Variants in SH3BP4 observed in about 807,000 individuals in gnomAD.
The protein encoded by SH3BP4 is SH3 domain-binding protein 4.
Under a neutral mutation model 65.5 loss-of-function variants are expected in SH3BP4, and 33 were observed. That is an observed-to-expected ratio of 0.50 (90% confidence interval 0.38 to 0.67). The LOEUF (loss-of-function observed/expected upper bound fraction) is 0.67, where lower values mean the gene tolerates loss of function less well. Ranked by LOEUF, SH3BP4 falls within the 30% of genes least tolerant of loss-of-function variation. The pLI is 0.00. For missense variants in SH3BP4, 1,134 were observed against 1,261.4 expected, an observed-to-expected ratio of 0.90 and a Z score of 1.53; for synonymous variants, 552 against 545.5, an observed-to-expected ratio of 1.01 and a Z score of -0.17.
chr2:234,990,781 G>A (rs142983893), intron 1 of SH3BP4, among the ~76,000 whole-genome samples: 14 of 152,352 alleles, frequency 9.2e-5, no homozygotes, highest in African/African-American at 3.4e-4. Context: ...TGTCTTACAG[G>A]TCAGGAGGCT....
intron 2 of SH3BP4, among the ~76,000 whole-genome samples, chr2:235,023,162 G>T (rs1393988760): frequency 2.0e-5 from 3 of 152,232 alleles, no homozygotes; most frequent in Non-Finnish European, 4.4e-5. Flanking sequence ...TCCAGAATCA[G>T]CTCAGCTGGC....
intron 3 of SH3BP4, among the ~76,000 whole-genome samples, chr2:235,040,103 C>T (rs1019909858): frequency 1.3e-5 from 2 of 152,100 alleles, no homozygotes; most frequent in Non-Finnish European, 2.9e-5. Context: ...GGCATGGTGG[C>T]ACACACCTGT....
At position 235,033,857 on chromosome 2, in the gene SH3BP4, C is replaced by T. The variant is rs944070276; in HGVS notation, c.-132-1014C>T. Among the ~76,000 whole-genome samples the T allele has an allele frequency of 6.6e-6, 1 of 152,118 alleles. No homozygotes were observed. The highest frequency in any genetic ancestry group is 1.5e-5 in the Non-Finnish European group (1 of 68,026). ...GCATGGTAAAGGCAGCACACTGGGT[C>T]AGAAGCTACATTCTCAGCTGTCCCT... On this transcript the variant is annotated intron_variant, in intron 2 of 5. Transcript: ENST00000392011. This position sits in a 1 kb window ranked among gnomAD's most constrained non-coding sequence, Gnocchi z 5.7.
chr2:234,962,799 G>T (rs1266136259), intron 1 of SH3BP4, among the ~76,000 whole-genome samples: 1 of 150,786 alleles, frequency 6.6e-6, no homozygotes, highest in African/African-American at 2.4e-5. Context: ...AATCTCAGTT[G>T]ACTGCAACCT....
At chr2:235,004,582 A>G (rs6725062) in intron 2 of SH3BP4, among the ~76,000 whole-genome samples, 37,617 of 151,970 alleles carry the variant, frequency 0.25, 6,462 homozygotes, top group East Asian at 0.72. Flanking sequence ...ATGGATTCCT[A>G]TGGATTTGTG....
intron 1 of SH3BP4, among the ~76,000 whole-genome samples, chr2:234,971,367 T>A (rs533554650): frequency 1.1e-4 from 17 of 152,336 alleles, no homozygotes; most frequent in Admixed American, 8.5e-4. Flanking sequence ...TATATGTATA[T>A]GTTATATTTT....
chr2:234,999,318 G>T (rs543062616), intron 2 of SH3BP4, among the ~76,000 whole-genome samples: 1 of 152,328 alleles, frequency 6.6e-6, no homozygotes, highest in East Asian at 1.9e-4. Flanking sequence ...GGGGACAAAA[G>T]ACATCAGTCA....
Position 235,041,441 on chromosome 2 carries a change from C to T in SH3BP4, c.672C>T (p.Asn224=), listed in dbSNP as rs1189062417. ...TCTTCGATGAGCTTCCAGTCACAAA[C>T]GGACTCCACGCAGAGCCGCCGGTCA... is the stretch of plus-strand genomic sequence containing the variant. ...GNIFDELPVT[N]GLHAEPPVRR... Residue 224 remains asparagine, a synonymous_variant, in exon 4 of 6, where the codon AAC becomes AAT. Transcript: ENST00000392011. This position sits in a 1 kb window ranked among gnomAD's most constrained non-coding sequence, Gnocchi z 6.0. 9.9e-6 allele frequency: 16 copies of T among 1,614,068 alleles called. No individual in the cohort carries two copies. Among genetic ancestry groups the T allele is most frequent in the African/African-American group, 4.0e-5 (3 of 74,940 alleles).
intron 2 of SH3BP4, among the ~76,000 whole-genome samples, chr2:235,029,233 G>A (rs1269144300): frequency 2.0e-5 from 3 of 152,186 alleles, no homozygotes; most frequent in Non-Finnish European, 4.4e-5. Flanking sequence ...CAGGGAAGAC[G>A]GAGAGGGATG....
intron 1 of SH3BP4, among the ~76,000 whole-genome samples, chr2:234,969,884 CT>C (rs1455925720): frequency 6.6e-6 from 1 of 151,706 alleles, no homozygotes; most frequent in Non-Finnish European, 1.5e-5. Context: ...CACACTCTCG[CT>C]GTCTCTCACA....
intron 2 of SH3BP4, among the ~76,000 whole-genome samples, chr2:235,017,629 C>CAACTTATGAAATATGTTAT (rs1345449261): frequency 6.6e-6 from 1 of 152,028 alleles, no homozygotes; most frequent in Non-Finnish European, 1.5e-5. Flanking sequence ...GTTGCTTTAT[C>CAACTTATGAAATATGTTAT]GACATGAGTG....
chr2:235,025,709 T>G (rs181448743), intron 2 of SH3BP4, among the ~76,000 whole-genome samples: 154 of 152,350 alleles, frequency 1.0e-3, no homozygotes, highest in Non-Finnish European at 2.0e-3. Flanking sequence ...AACAGTGCGA[T>G]GCCTGGGATA....
chr2:235,019,873 T>TAAAAAA (rs199714068), intron 2 of SH3BP4, among the ~76,000 whole-genome samples: 2 of 112,600 alleles, frequency 1.8e-5, no homozygotes, highest in African/African-American at 6.8e-5. Flanking sequence ...TAAAGATTCT[T>TAAAAAA]AAAAAAAAAA....
chr2:235,001,842 G>T (rs1004512437), intron 2 of SH3BP4, among the ~76,000 whole-genome samples: 5 of 152,164 alleles, frequency 3.3e-5, no homozygotes, highest in African/African-American at 1.2e-4. Flanking sequence ...TCTCAAAGGA[G>T]GGTGAGGTGT....
At chr2:235,053,384 C>T (rs1177522984) in intron 5 of SH3BP4, among the ~76,000 whole-genome samples, 2 of 152,204 alleles carry the variant, frequency 1.3e-5, no homozygotes, top group African/African-American at 2.4e-5. Context: ...CCTACTCTTG[C>T]ACAAAGCCCT....
At chr2:235,022,952 C>G (rs1694889394) in intron 2 of SH3BP4, among the ~76,000 whole-genome samples, 1 of 152,092 alleles carries the variant, frequency 6.6e-6, no homozygotes, top group East Asian at 1.9e-4. Flanking sequence ...TGACCTTGTC[C>G]CTCCTCACAT....
At chr2:234,982,000 G>A (rs757381926) in intron 1 of SH3BP4, among the ~76,000 whole-genome samples, 41 of 152,096 alleles carry the variant, frequency 2.7e-4, no homozygotes, top group Non-Finnish European at 5.0e-4. Context: ...TGGGCTTTTT[G>A]GGAAACTCCC....
chr2:234,981,164 G>A (rs1008750016), intron 1 of SH3BP4, among the ~76,000 whole-genome samples: 3 of 152,166 alleles, frequency 2.0e-5, no homozygotes, highest in African/African-American at 7.2e-5. Context: ...TTTCTGTCCC[G>A]GGAGGATAAT....
chr2:234,982,039 G>T (rs1351822310), intron 1 of SH3BP4, among the ~76,000 whole-genome samples: 1 of 152,106 alleles, frequency 6.6e-6, no homozygotes, highest in African/African-American at 2.4e-5. Flanking sequence ...TGGGGTCCAG[G>T]TTGAGCAAAT....
Sources: allele counts gnomAD v4.1 joint callset (sites outside exome capture counted in the v4.1 genomes callset), GRCh38; gene constraint gnomAD v4.1.1; non-coding constraint Gnocchi (gnomAD v3.1); transcripts MANE v1.5; gene names NCBI Gene and HGNC (gene_info 2026-07-23, HGNC 2026-07-21).